ATXN7L1: variants seen among roughly 807,000 people sequenced by gnomAD.
ATXN7L1 encodes the protein ataxin-7-like protein 1.
ATXN7L1 carries 15 observed loss-of-function variants against 70.8 expected under a neutral mutation model. The observed-to-expected ratio is 0.21, with a 90% CI of 0.14 to 0.33. The LOEUF is 0.33. Among genes scored for constraint, ATXN7L1 ranks in the 10% least tolerant of loss-of-function variants. The pLI is 1.00. For missense variants in ATXN7L1, 975 were observed against 1,097.1 expected (o/e 0.89, Z 1.57); for synonymous variants, 440 against 445.1 (o/e 0.99, Z 0.14).
chr7:105,810,589 G>C (rs1277830637), intron 2 of ATXN7L1, among the ~76,000 whole-genome samples: 1 of 152,210 alleles, frequency 6.6e-6, no homozygotes. Flanking sequence ...GCACATCTAG[G>C]GGATGGTGTT....
At chr7:105,765,179 C>T (rs1801081057) in intron 3 of ATXN7L1, among the ~76,000 whole-genome samples, 1 of 151,964 alleles carries the variant, frequency 6.6e-6, no homozygotes, top group South Asian at 2.1e-4. Context: ...ACTAAAAATA[C>T]AAACATTAGC....
At chr7:105,704,882 A>G (rs1336481608) in intron 3 of ATXN7L1, among the ~76,000 whole-genome samples, 1 of 152,018 alleles carries the variant, frequency 6.6e-6, no homozygotes, top group Non-Finnish European at 1.5e-5. Context: ...AAGTGCTGGT[A>G]CAGTGGCATT....
intron 2 of ATXN7L1, among the ~76,000 whole-genome samples, chr7:105,860,239 T>C (rs1816418013): frequency 6.6e-6 from 1 of 150,424 alleles, no homozygotes; most frequent in Admixed American, 6.6e-5. Context: ...TCAACCTTTT[T>C]ATACATGTGA....
At chr7:105,683,037 A>C (rs1805735307) in intron 3 of ATXN7L1, among the ~76,000 whole-genome samples, 1 of 152,256 alleles carries the variant, frequency 6.6e-6, no homozygotes, top group Non-Finnish European at 1.5e-5. Context: ...AGTTACCTTT[A>C]AAACCCTTTC....
intron 2 of ATXN7L1, among the ~76,000 whole-genome samples, chr7:105,861,582 C>A (rs970735388): frequency 1.4e-4 from 21 of 151,856 alleles, no homozygotes; most frequent in Non-Finnish European, 2.6e-4. Context: ...CTGTGAGGGG[C>A]TGTCTGGTGC....
At chr7:105,755,432 G>A (rs1352310460) in intron 3 of ATXN7L1, among the ~76,000 whole-genome samples, 1 of 152,160 alleles carries the variant, frequency 6.6e-6, no homozygotes, top group Non-Finnish European at 1.5e-5. Flanking sequence ...GGAGCAATAT[G>A]GCTGCCATCA....
intron 3 of ATXN7L1, chr7:105,788,360 A>C (rs1804630303): frequency 2.0e-6 from 1 of 488,576 alleles, no homozygotes; most frequent in Non-Finnish European, 3.8e-6. Context: ...GCTTCAGTCT[A>C]GTCCCATCGA....
At chr7:105,664,575 G>GTGTATGTGTGTATATA in intron 4 of ATXN7L1, among the ~76,000 whole-genome samples, 3 of 131,984 alleles carry the variant, frequency 2.3e-5, no homozygotes, top group African/African-American at 8.5e-5. Flanking sequence ...GTATGTGTGT[G>GTGTATGTGTGTATATA]TATATATATA....
chr7:105,691,945 A>T (rs1328293967), intron 3 of ATXN7L1, among the ~76,000 whole-genome samples: 1 of 152,266 alleles, frequency 6.6e-6, no homozygotes, highest in Non-Finnish European at 1.5e-5. Flanking sequence ...CAAGAACAAC[A>T]AGCACAGAAA....
At chr7:105,685,808 A>T (rs770330673) in intron 3 of ATXN7L1, among the ~76,000 whole-genome samples, 35 of 152,194 alleles carry the variant, frequency 2.3e-4, no homozygotes, top group Non-Finnish European at 4.3e-4. Flanking sequence ...TGACATTCTC[A>T]GGGCAGGTTC....
intron 2 of ATXN7L1, among the ~76,000 whole-genome samples, chr7:105,829,043 G>GATAAGCTTTTTCACTAGGGAAGA (rs1811234511): frequency 6.6e-6 from 1 of 152,144 alleles, no homozygotes; most frequent in African/African-American, 2.4e-5. Context: ...AAGCAAATAT[G>GATAAGCTTTTTCACTAGGGAAGA]TAGCTCCCAA....
chr7:105,790,674 A>ACTATCTATCTAT (rs3036755), intron 2 of ATXN7L1, among the ~76,000 whole-genome samples: 12,903 of 111,958 alleles, frequency 0.12, 1,271 homozygotes, highest in East Asian at 0.27. Flanking sequence ...CTATCTATCT[A>ACTATCTATCTAT]CTATCTATCT....
At chr7:105,850,795 A>G (rs1224684822) in intron 2 of ATXN7L1, among the ~76,000 whole-genome samples, 2 of 152,110 alleles carry the variant, frequency 1.3e-5, no homozygotes, top group African/African-American at 2.4e-5. Flanking sequence ...CCATCTCCCC[A>G]GACTCTGCAA....
At chr7:105,730,109 C>A (rs1418335071) in intron 3 of ATXN7L1, among the ~76,000 whole-genome samples, 1 of 152,092 alleles carries the variant, frequency 6.6e-6, no homozygotes, top group Non-Finnish European at 1.5e-5. Context: ...AAAAGCAGGG[C>A]AGGAGAGGCT....
chr7:105,625,294 A>C (rs899920603), intron 7 of ATXN7L1, among the ~76,000 whole-genome samples: 19 of 152,234 alleles, frequency 1.2e-4, no homozygotes, highest in Admixed American at 1.0e-3. Flanking sequence ...TCTGTCGCCC[A>C]GGCTGGAGTA....
chr7:105,773,733 C>T (rs986877919), intron 3 of ATXN7L1, among the ~76,000 whole-genome samples: 6 of 152,022 alleles, frequency 3.9e-5, no homozygotes, highest in African/African-American at 1.2e-4. Context: ...AACTCCAGTG[C>T]CGGCTGAATA....
At chr7:105,685,559 T>C (rs1806082105) in intron 3 of ATXN7L1, among the ~76,000 whole-genome samples, 1 of 152,134 alleles carries the variant, frequency 6.6e-6, no homozygotes, top group East Asian at 1.9e-4. Flanking sequence ...AGCTGGCTTA[T>C]AAAGAAAAAG....
chr7:105,797,133 A>C (rs1806113604), intron 2 of ATXN7L1, among the ~76,000 whole-genome samples: 2 of 152,244 alleles, frequency 1.3e-5, no homozygotes, highest in South Asian at 4.1e-4. Context: ...GGGTGCGTGC[A>C]GGCGGCAGCA....
chr7:105,828,405 T>C (rs1811160221), intron 2 of ATXN7L1, among the ~76,000 whole-genome samples: 1 of 152,092 alleles, frequency 6.6e-6, no homozygotes. Flanking sequence ...CCATAGAAGA[T>C]CTTGAACCAG....
Sources: gnomAD v4.1 joint callset for allele counts (sites outside exome capture counted in the v4.1 genomes callset) on GRCh38, gnomAD v4.1.1 for gene constraint, MANE v1.5 for transcripts, NCBI Gene and HGNC (gene_info 2026-07-23, HGNC 2026-07-21) for gene names.